The following ATN1 variants were observed in gnomAD, a reference collection of about 807,000 sequenced individuals.
ATN1 encodes atrophin-1.
A neutral mutation model predicts 85.8 loss-of-function variants in ATN1; 19 were observed. The ratio of observed to expected loss-of-function variants is 0.22; its 90% confidence interval spans 0.15 to 0.32. ATN1 has a LOEUF of 0.32. Ranked by LOEUF, ATN1 falls within the 10% of genes least tolerant of loss-of-function variation. The pLI is 1.00. For missense variants in ATN1, 1,453 were observed against 1,564.5 expected, an observed-to-expected ratio of 0.93 and a Z score of 1.20; for synonymous variants, 674 against 657.0, an observed-to-expected ratio of 1.03 and a Z score of -0.39.
In ATN1 at chr12:6,937,330, G is replaced by A. The variant is rs1316186290; in HGVS notation, c.2063G>A (p.Gly688Asp). 2 of 1,561,712 alleles carry A rather than the reference G, an allele frequency of 1.3e-6. No individual in the cohort carries two copies. The highest frequency in any genetic ancestry group is 2.3e-5 in the South Asian group (2 of 86,494). The change falls in exon 5 of 10, where the codon GGC becomes GAC. Residue 688 changes from glycine (G) to aspartate (D), a missense_variant. Physicochemically the swap from Gly to Asp is moderately conservative, Grantham distance 94. This residue lies in a region of ATN1 where 990 missense variants were observed against 914.8 expected (regional missense o/e 1.08). Transcript: ENST00000396684. The surrounding 1 kb of genome is among the most constrained non-coding windows in gnomAD (Gnocchi z 6.0). ...GCAGGCCCAGGGACCTTCAAGCCGG[G>A]CTCGCCCACCGTGGGACCTGGGCCC... ...PPAGPGTFKP[G>D]SPTVGPGPLP... is the part of the protein sequence containing the mutation.
Position 6,941,117 on chromosome 12 carries a change from G to A in ATN1, c.3358+94G>A, listed in dbSNP as rs1180213982. 4.0e-6 allele frequency: 6 copies of A among 1,486,250 alleles called. No individual in the cohort carries two copies. In the African/African-American group the frequency reaches 8.3e-5, roughly 21 times the overall value. 92.1% of individuals were successfully genotyped at this position (1,486,250 alleles called of 1,614,324 possible). ...GATGGGCCTAGTTGGGCTTGGGGAGGGATGAGGAGGTGCCTAGAGGAGCTG... is the reference window on the plus strand; with the variant it reads ...GATGGGCCTAGTTGGGCTTGGGGAGAGATGAGGAGGTGCCTAGAGGAGCTG... On this transcript the variant is annotated intron_variant, in intron 8 of 9. Transcript: ENST00000396684. The surrounding 1 kb of genome is among the most constrained non-coding windows in gnomAD (Gnocchi z 5.9).
chr12:6,938,289 G>C (rs1409147751), intron 6 of ATN1, among the ~76,000 whole-genome samples, 192 bp from the exon 7 acceptor site: 1 of 152,246 alleles, frequency 6.6e-6, no homozygotes, highest in Non-Finnish European at 1.5e-5. Flanking sequence ...GGCATGCTCA[G>C]ATGGGACTAC....
chr12:6,932,080 A>G (rs1352861717), intron 1 of ATN1, among the ~76,000 whole-genome samples: 1 of 149,868 alleles, frequency 6.7e-6, no homozygotes, highest in Non-Finnish European at 1.5e-5. Context: ...TACTGGGCAG[A>G]GCATCAGTTG....
intron 1 of ATN1, among the ~76,000 whole-genome samples, chr12:6,932,433 A>C (rs186708451): frequency 3.3e-5 from 5 of 152,342 alleles, no homozygotes; most frequent in Admixed American, 1.3e-4. Context: ...AGAAAACAGT[A>C]AGAAAATACC....
At position 6,941,835 on chromosome 12, in the gene ATN1, A is replaced by C. The variant is rs1591668834; in HGVS notation, c.*55A>C. 1 of 1,579,468 alleles carries C rather than the reference A, an allele frequency of 6.3e-7. No individual in the cohort carries two copies. The highest frequency in any genetic ancestry group is 8.7e-7 in the Non-Finnish European group (1 of 1,149,792). On this transcript the variant is annotated 3_prime_UTR_variant, in exon 10 of 10. Coordinates refer to ENST00000396684, the MANE Select transcript of ATN1 (RefSeq NM_001940.4). The surrounding 1 kb of genome is among the most constrained non-coding windows in gnomAD (Gnocchi z 5.9). The stretch of plus-strand genomic sequence containing the variant: ...CTACATTGGACCTTGGAGCACCCCC[A>C]CCCTCCCCCCACCGTGCCCTTGGCC...
At chr12:6,932,243 A>G (rs1945475764) in intron 1 of ATN1, among the ~76,000 whole-genome samples, 1 of 151,282 alleles carries the variant, frequency 6.6e-6, no homozygotes, top group Non-Finnish European at 1.5e-5. Context: ...GAAAAAATAC[A>G]CTACAGAATA....
chr12:6,938,685 C>T lies in ATN1; in HGVS notation c.2722C>T (p.Leu908=), dbSNP rs1565568711. ...TCGCAACCATCCATTCTACGTGCCC[C>T]TGGGGGCAGTGGACCCGGGGCTCCT... ...GNRNHPFYVP[L]GAVDPGLLGY... is the part of the protein sequence containing the mutation. Residue 908 remains leucine, a synonymous_variant, in exon 7 of 10, where the codon CTG becomes TTG. Transcript: ENST00000396684. The T allele has an allele frequency of 5.0e-6, 8 of 1,614,070 alleles. No homozygotes were observed. The highest frequency in any genetic ancestry group is 6.8e-6 in the Non-Finnish European group (8 of 1,180,046).
chr12:6,936,042 C>T lies in ATN1; in HGVS notation c.775C>T (p.Pro259Ser), dbSNP rs1180778212. ...GGKQHPPPTT[P>S]ISVSSSGASG... ...TAAGCAGCACCCCCCACCCACTACTCCCATTTCAGTATCAAGCTCTGGGGC... is the reference window on the plus strand; with the variant it reads ...TAAGCAGCACCCCCCACCCACTACTTCCATTTCAGTATCAAGCTCTGGGGC... The change falls in exon 5 of 10, where the codon CCC becomes TCC. Residue 259 changes from proline to serine, a missense_variant. By Grantham distance (74) the Pro-to-Ser change is moderately conservative. This residue lies in a region of ATN1 where 990 missense variants were observed against 914.8 expected (regional missense o/e 1.08). Transcript: ENST00000396684. 2 of 1,575,674 alleles carry T rather than the reference C, an allele frequency of 1.3e-6. No homozygotes were observed. The highest frequency in any genetic ancestry group is 2.7e-5 in the African/African-American group (2 of 73,732).
chr12:6,929,722 G>A (rs1945438048), intron 1 of ATN1, among the ~76,000 whole-genome samples: 1 of 152,190 alleles, frequency 6.6e-6, no homozygotes, highest in African/African-American at 2.4e-5. Context: ...CAGATCATAG[G>A]TGTTTCTCCA....
At chr12:6,931,836 C>A (rs1396775649) in intron 1 of ATN1, among the ~76,000 whole-genome samples, 1 of 151,344 alleles carries the variant, frequency 6.6e-6, no homozygotes, top group African/African-American at 2.4e-5. Flanking sequence ...TAGTTCGAGA[C>A]CACCCTGACT....
upstream of ATN1, among the ~76,000 whole-genome samples, chr12:6,924,948 C>A (rs1945382614): frequency 1.3e-5 from 2 of 152,156 alleles, no homozygotes; most frequent in Admixed American, 1.3e-4. Context: ...GCCCCCCAAC[C>A]CCCAAAGTAT....
chr12:6,941,673 T>G lies in ATN1; in HGVS notation c.3540-74T>G. 1 of 1,592,266 alleles carries G rather than the reference T, an allele frequency of 6.3e-7. No homozygotes were observed. The highest frequency in any genetic ancestry group is 8.6e-7 in the Non-Finnish European group (1 of 1,160,406). On this transcript the variant is annotated intron_variant, in intron 9 of 9. Transcript: ENST00000396684. The surrounding 1 kb of genome is among the most constrained non-coding windows in gnomAD (Gnocchi z 5.9). ...AGGGAACCCCTCCTCTCCCAACCCCTTCGGTAAGAGGGGGCAAGGTCAGAG... is the reference window on the plus strand; with the variant it reads ...AGGGAACCCCTCCTCTCCCAACCCCGTCGGTAAGAGGGGGCAAGGTCAGAG...
intron 1 of ATN1, 131 bp from the exon 2 acceptor site, chr12:6,933,709 T>C (rs1242784653): frequency 2.3e-5 from 12 of 520,598 alleles, no homozygotes; most frequent in Non-Finnish European, 4.1e-5. Context: ...CAGCAATGTC[T>C]TGTGGTATCT....
rs1555144028 is a variant in ATN1 at position 6,937,567 on chromosome 12, C to T, written c.2294+6C>T. The stretch of plus-strand genomic sequence containing the variant: ...CATGCCAGTCAGTCTGCCAGGTGAG[C>T]GGCCAGGTGGGGCGGAGGTGGGCCT... On this transcript the variant is annotated splice_donor_region_variant and intron_variant, in intron 5 of 9. Transcript: ENST00000396684. The surrounding 1 kb of genome is among the most constrained non-coding windows in gnomAD (Gnocchi z 6.0). 1.3e-6 allele frequency: 2 copies of T among 1,489,628 alleles called. No individual in the cohort carries two copies. The highest frequency in any genetic ancestry group is 1.8e-6 in the Non-Finnish European group (2 of 1,120,246). The allele number at this position is 1,489,628 out of a possible 1,614,324, so 92.3% of individuals were successfully genotyped here. A position where few individuals can be genotyped will look rare whatever the true frequency, so the allele number is the denominator to read the frequency against.
At chr12:6,931,409 G>GAAAA (rs781985905) in intron 1 of ATN1, among the ~76,000 whole-genome samples, 6 of 53,544 alleles carry the variant, frequency 1.1e-4, no homozygotes, top group African/African-American at 1.5e-4. Flanking sequence ...AGCTGTAGTT[G>GAAAA]AAAAAAAAAA....
intron 1 of ATN1, among the ~76,000 whole-genome samples, chr12:6,932,176 T>G (rs2138205913): frequency 6.6e-6 from 1 of 152,262 alleles, no homozygotes; most frequent in East Asian, 1.9e-4. Context: ...ACTCACCCCT[T>G]ACTGCCTGCA....
rs1287078339 is a variant in ATN1, at chr12:6,936,676, C to G, written c.1409C>G (p.Ser470Cys). Residue 470 changes from serine (S) to cysteine (C), a missense_variant, in exon 5 of 10, where the codon TCC becomes TGC. This residue lies in a region of ATN1 where 990 missense variants were observed against 914.8 expected (regional missense o/e 1.08). Transcript: ENST00000396684. ...TTCCCTCCCTCTACTGGGGCCCAGTCCACCGCCCACCCACCAGTCTCAACA... is the reference window on the plus strand; with the variant it reads ...TTCCCTCCCTCTACTGGGGCCCAGTGCACCGCCCACCCACCAGTCTCAACA... ...GPFPPSTGAQ[S>C]TAHPPVSTHH... The G allele has an allele frequency of 1.1e-5, 18 of 1,613,552 alleles. No homozygotes were observed. The highest frequency in any genetic ancestry group is 3.3e-5 in the Admixed American group (2 of 59,956).
chr12:6,925,639 C>G (rs1180336291), upstream of ATN1, among the ~76,000 whole-genome samples: 1 of 152,176 alleles, frequency 6.6e-6, no homozygotes, highest in African/African-American at 2.4e-5. Context: ...CATTCCCAGG[C>G]CAAGGAAGTG....
At chr12:6,940,468 A>T (rs1489099226) in intron 7 of ATN1, among the ~76,000 whole-genome samples, 1 of 151,932 alleles carries the variant, frequency 6.6e-6, no homozygotes, top group African/African-American at 2.4e-5. Context: ...GGGTTTCACC[A>T]TCTTGGCCAG....
Sources: gnomAD v4.1 joint callset for allele counts (sites outside exome capture counted in the v4.1 genomes callset) on GRCh38, gnomAD v4.1.1 for gene constraint, gnomAD v4.1.1 regional missense constraint, Gnocchi (gnomAD v3.1) non-coding constraint, MANE v1.5 for transcripts, NCBI Gene and HGNC (gene_info 2026-07-23, HGNC 2026-07-21) for gene names.